Variants in GRM7 observed in about 807,000 individuals in gnomAD.
GRM7 encodes the protein metabotropic glutamate receptor 7.
In GRM7, 35 loss-of-function variants were observed where a neutral mutation model predicts 84.5. That is an observed-to-expected ratio of 0.41 (90% CI 0.32 to 0.55). The LOEUF is 0.55. GRM7 is among the 20% of genes least tolerant of loss of function. The pLI, the probability that GRM7 is intolerant of heterozygous loss-of-function variation, is 0.19. For missense variants in GRM7, 1,003 were observed against 1,194.6 expected, an observed-to-expected ratio of 0.84 and a Z score of 2.36; for synonymous variants, 487 against 455.1, an observed-to-expected ratio of 1.07 and a Z score of -0.89.
intron 8 of GRM7, among the ~76,000 whole-genome samples, chr3:7,656,967 T>TCAC (rs1190134143): frequency 1.3e-5 from 2 of 152,160 alleles, no homozygotes; most frequent in African/African-American, 4.8e-5. Context: ...AGTATTTACT[T>TCAC]TGAGTGAAGT....
intron 7 of GRM7, among the ~76,000 whole-genome samples, chr3:7,472,305 C>G (rs1387846079): frequency 6.6e-6 from 1 of 152,102 alleles, no homozygotes; most frequent in African/African-American, 2.4e-5. Flanking sequence ...ATAAAATGGA[C>G]TAAGAGAGTT....
chr3:6,992,434 C>T (rs1177845370), intron 1 of GRM7, among the ~76,000 whole-genome samples: 3 of 152,174 alleles, frequency 2.0e-5, no homozygotes, highest in Non-Finnish European at 4.4e-5. Flanking sequence ...CCTTTGTGAG[C>T]TGATAAGTGG....
chr3:6,911,912 G>A (rs954699780), intron 1 of GRM7, among the ~76,000 whole-genome samples: 1 of 152,088 alleles, frequency 6.6e-6, no homozygotes, highest in African/African-American at 2.4e-5. Flanking sequence ...AAAATGATTT[G>A]CATCGTGTCA....
chr3:7,537,503 A>G (rs1701284775), intron 7 of GRM7, among the ~76,000 whole-genome samples: 1 of 152,218 alleles, frequency 6.6e-6, no homozygotes, highest in African/African-American at 2.4e-5. Context: ...AAATAAATCT[A>G]TCCACTAGTC....
At chr3:6,929,314 G>A (rs2125042841) in intron 1 of GRM7, among the ~76,000 whole-genome samples, 1 of 152,260 alleles carries the variant, frequency 6.6e-6, no homozygotes, top group East Asian at 1.9e-4. Flanking sequence ...CTTCCCAACT[G>A]CCTCTCCCCT....
intron 8 of GRM7, among the ~76,000 whole-genome samples, chr3:7,605,598 AT>A (rs1419075238): frequency 1.3e-5 from 2 of 152,168 alleles, no homozygotes; most frequent in Non-Finnish European, 2.9e-5. Context: ...GAGAGATTAC[AT>A]AAGTCTGCAG....
chr3:7,425,344 A>G (rs1023416026), intron 5 of GRM7, among the ~76,000 whole-genome samples: 11 of 152,346 alleles, frequency 7.2e-5, no homozygotes, highest in Admixed American at 2.0e-4. Context: ...CAGTCTGTAC[A>G]AAGAGAAAAG....
intron 4 of GRM7, among the ~76,000 whole-genome samples, chr3:7,366,330 A>T (rs991516499): frequency 6.6e-6 from 1 of 151,784 alleles, no homozygotes; most frequent in African/African-American, 2.4e-5. Flanking sequence ...TCTCAAGATT[A>T]TGTATGTATT....
intron 2 of GRM7, among the ~76,000 whole-genome samples, chr3:7,262,007 G>A (rs1275209578): frequency 6.7e-6 from 1 of 148,576 alleles, no homozygotes; most frequent in South Asian, 2.2e-4. Flanking sequence ...CCAATCTCTT[G>A]CTGTTTGTAG....
chr3:7,388,103 T>C (rs552694684), intron 4 of GRM7, among the ~76,000 whole-genome samples: 19 of 152,228 alleles, frequency 1.2e-4, no homozygotes, highest in African/African-American at 3.1e-4. Flanking sequence ...ATGTTATTGG[T>C]GGATAGAAAT....
At chr3:7,251,296 T>C (rs1440022375) in intron 2 of GRM7, among the ~76,000 whole-genome samples, 1 of 149,896 alleles carries the variant, frequency 6.7e-6, no homozygotes, top group Non-Finnish European at 1.5e-5. Context: ...GTAGTTCAGT[T>C]ACTTAAAAAA....
At chr3:7,161,157 A>G (rs909785436) in intron 2 of GRM7, among the ~76,000 whole-genome samples, 6 of 152,066 alleles carry the variant, frequency 3.9e-5, no homozygotes, top group Non-Finnish European at 5.9e-5. Flanking sequence ...TCCTCCTCTC[A>G]TGCTGACCCC....
intron 2 of GRM7, among the ~76,000 whole-genome samples, chr3:7,190,956 C>A (rs1030043715): frequency 6.6e-6 from 1 of 152,144 alleles, no homozygotes; most frequent in Non-Finnish European, 1.5e-5. Context: ...CTCCACCTTA[C>A]ATAAATATAT....
intron 1 of GRM7, among the ~76,000 whole-genome samples, chr3:6,912,949 T>C (rs1035185429): frequency 2.6e-5 from 4 of 152,120 alleles, no homozygotes; most frequent in African/African-American, 9.7e-5. Flanking sequence ...CAATTACATG[T>C]TGTTTTGAGT....
chr3:7,276,800 T>TCCCTTCCCTTCCCTTCC (rs1339828461), intron 2 of GRM7, among the ~76,000 whole-genome samples: 1 of 2,016 alleles, frequency 5.0e-4, no homozygotes, highest in African/African-American at 1.4e-3. Context: ...CCTTCCTTCC[T>TCCCTTCCCTTCCCTTCC]TCCTTTTTGG....
At chr3:7,570,182 A>G (rs1417170771) in intron 7 of GRM7, among the ~76,000 whole-genome samples, 1 of 152,122 alleles carries the variant, frequency 6.6e-6, no homozygotes, top group African/African-American at 2.4e-5. Flanking sequence ...CAGCCAAACC[A>G]TATCATTCCA....
At chr3:7,724,172 C>T (rs1174029160) in intron 9 of GRM7, among the ~76,000 whole-genome samples, 4 of 152,148 alleles carry the variant, frequency 2.6e-5, no homozygotes, top group Non-Finnish European at 4.4e-5. Context: ...CGGAACCATG[C>T]CTGCCTGTAT....
chr3:7,733,197 T>C (rs1175715639), intron 9 of GRM7, among the ~76,000 whole-genome samples: 1 of 152,148 alleles, frequency 6.6e-6, no homozygotes, highest in Non-Finnish European at 1.5e-5. Flanking sequence ...AGTAGTGATG[T>C]AGGATTTTTA....
intron 9 of GRM7, among the ~76,000 whole-genome samples, chr3:7,688,976 C>A (rs1372393899): frequency 6.6e-6 from 1 of 152,194 alleles, no homozygotes; most frequent in Non-Finnish European, 1.5e-5. Flanking sequence ...TTTCTGCATC[C>A]TTTACATGAA....
Sources: gnomAD v4.1 joint callset for allele counts (sites outside exome capture counted in the v4.1 genomes callset) on GRCh38, gnomAD v4.1.1 for gene constraint, MANE v1.5 for transcripts, NCBI Gene and HGNC (gene_info 2026-07-23, HGNC 2026-07-21) for gene names.